The following ANKFN1 variants were observed in gnomAD, a reference collection of about 807,000 sequenced individuals.
The protein encoded by ANKFN1 is ankyrin repeat and fibronectin type-III domain-containing protein 1.
ANKFN1 carries 74 observed loss-of-function variants against 108.7 expected under a neutral mutation model. The ratio of observed to expected loss-of-function variants is 0.68; its 90% CI spans 0.56 to 0.83. ANKFN1 has a LOEUF of 0.83. Ranked by LOEUF, ANKFN1 falls within the 40% of genes least tolerant of loss-of-function variation. ANKFN1 has a pLI of 0.00. For synonymous variants in ANKFN1, 547 were observed against 516.2 expected (o/e 1.06, Z -0.81); for missense variants, 1,505 against 1,382.3 (o/e 1.09, Z -1.41).
At chr17:56,383,805 C>T (rs990032700) in intron 8 of ANKFN1, among the ~76,000 whole-genome samples, 21 of 152,118 alleles carry the variant, frequency 1.4e-4, no homozygotes, top group African/African-American at 5.1e-4. Context: ...CTAAATAGAC[C>T]AATAACAGGC....
intron 4 of ANKFN1, among the ~76,000 whole-genome samples, chr17:56,349,090 A>G (rs1043521138): frequency 2.6e-5 from 4 of 152,188 alleles, no homozygotes; most frequent in Admixed American, 1.3e-4. Context: ...ACATGGATGA[A>G]GCTGGAAGCC....
At chr17:56,072,556 A>G (rs1905132785) in intron 4 of ANKFN1, among the ~76,000 whole-genome samples, 1 of 152,168 alleles carries the variant, frequency 6.6e-6, no homozygotes, top group Admixed American at 6.5e-5. Context: ...CTTCCCTTTT[A>G]ACAGCATAAA....
chr17:56,362,153 C>A (rs565654204), intron 6 of ANKFN1, among the ~76,000 whole-genome samples: 1 of 152,256 alleles, frequency 6.6e-6, no homozygotes, highest in East Asian at 1.9e-4. Flanking sequence ...TATCACATTA[C>A]CTGGCCAATT....
intron 4 of ANKFN1, among the ~76,000 whole-genome samples, chr17:56,327,069 C>T (rs566044111): frequency 2.0e-5 from 3 of 152,248 alleles, no homozygotes; most frequent in South Asian, 2.1e-4. Flanking sequence ...TCCAGTTACC[C>T]GTGCTGATCA....
At chr17:56,117,385 G>C (rs558517660) in intron 4 of ANKFN1, among the ~76,000 whole-genome samples, 41 of 152,312 alleles carry the variant, frequency 2.7e-4, no homozygotes, top group Middle Eastern at 6.8e-3. Flanking sequence ...GAAGGAGATA[G>C]ATTGTGAGCT....
At chr17:56,157,591 C>T (rs557343519) in intron 1 of ANKFN1, among the ~76,000 whole-genome samples, 3 of 152,330 alleles carry the variant, frequency 2.0e-5, no homozygotes, top group East Asian at 1.9e-4. Flanking sequence ...GGGACTATTT[C>T]CCTGCCTGGC....
chr17:56,214,641 T>G (rs1915290319), intron 2 of ANKFN1, among the ~76,000 whole-genome samples: 1 of 152,188 alleles, frequency 6.6e-6, no homozygotes, highest in Admixed American at 6.5e-5. Context: ...CCTCATTCTC[T>G]CTAACCTGGT....
chr17:56,309,889 A>G (rs1452014310), intron 3 of ANKFN1, among the ~76,000 whole-genome samples: 3 of 152,160 alleles, frequency 2.0e-5, no homozygotes, highest in Non-Finnish European at 4.4e-5. Context: ...TCTTGTGATG[A>G]TGTGAGATGA....
intron 20 of ANKFN1, among the ~76,000 whole-genome samples, chr17:56,502,546 T>G (rs1474711254): frequency 6.6e-6 from 1 of 152,166 alleles, no homozygotes; most frequent in Non-Finnish European, 1.5e-5. Context: ...TGTTGAAAAC[T>G]GGGGAGAAAC....
intron 3 of ANKFN1, among the ~76,000 whole-genome samples, chr17:56,305,179 A>C (rs903525928): frequency 6.6e-6 from 1 of 152,148 alleles, no homozygotes; most frequent in African/African-American, 2.4e-5. Flanking sequence ...AAACCATCAG[A>C]TCTTGTGAGA....
chr17:56,236,506 G>A (rs1232276436), intron 3 of ANKFN1, among the ~76,000 whole-genome samples: 1 of 152,170 alleles, frequency 6.6e-6, no homozygotes, highest in East Asian at 1.9e-4. Context: ...TGTTGTTGGT[G>A]TATAGGAATA....
chr17:56,083,040 A>G (rs1905266906), intron 4 of ANKFN1, among the ~76,000 whole-genome samples: 1 of 151,482 alleles, frequency 6.6e-6, no homozygotes, highest in Non-Finnish European at 1.5e-5. Context: ...ACTGCTGATG[A>G]TAAGAGCAGC....
In ANKFN1 at chr17:56,515,536, T is replaced by C. The variant is rs540674216; in HGVS notation, c.*4267T>C. ...TTTGCTGGTCACCTCTCATAAGATG[T>C]TCAAACACATGGCTTATGACTGTTA... is the stretch of plus-strand genomic sequence containing the variant. On this transcript the variant is annotated 3_prime_UTR_variant, in exon 21 of 21. Transcript: ENST00000682825. Among the ~76,000 whole-genome samples, 5 of 152,350 alleles carry C rather than the reference T, an allele frequency of 3.3e-5. No individual in the cohort carries two copies. Among genetic ancestry groups the C allele is most frequent in the African/African-American group, 1.2e-4 (5 of 41,594 alleles).
At chr17:56,243,684 G>A (rs1917749131) in intron 3 of ANKFN1, among the ~76,000 whole-genome samples, 1 of 152,068 alleles carries the variant, frequency 6.6e-6, no homozygotes, top group Admixed American at 6.6e-5. Context: ...AGGTGGCTAA[G>A]GGCTTCACCT....
At chr17:56,255,083 A>G (rs2043325376) in intron 3 of ANKFN1, among the ~76,000 whole-genome samples, 1 of 152,224 alleles carries the variant, frequency 6.6e-6, no homozygotes, top group African/African-American at 2.4e-5. Context: ...GGTGGGGACA[A>G]AGGTAGCCAT....
In ANKFN1 at chr17:56,389,821, CTG is replaced by C. The variant is rs1160688931; in HGVS notation, c.910+15111_910+15112del. ...GATATGAGTTCCTTGAAGGCAGAAA[CTG>C]TGTCTTTTTCATTTCTATTCCACAC... On this transcript the variant is annotated intron_variant, in intron 8 of 20. Transcript: ENST00000682825. 7.9e-5 allele frequency among the ~76,000 whole-genome samples: 12 copies of C among 152,204 alleles called. No individual in the cohort carries two copies. The East Asian group carries it at 2.3e-3, about 29-fold the overall frequency.
At chr17:56,122,245 T>G (rs1241914418) in intron 4 of ANKFN1, among the ~76,000 whole-genome samples, 2 of 152,284 alleles carry the variant, frequency 1.3e-5, no homozygotes, top group East Asian at 3.9e-4. Context: ...TAGAGCATAA[T>G]GTTGGCCTAG....
intron 8 of ANKFN1, among the ~76,000 whole-genome samples, chr17:56,429,281 G>A (rs377663917): frequency 3.3e-5 from 5 of 152,180 alleles, no homozygotes; most frequent in South Asian, 2.1e-4. Context: ...CAGATGAAGC[G>A]AAATGGATAG....
chr17:56,165,045 C>T (rs541158354), intron 1 of ANKFN1, among the ~76,000 whole-genome samples: 1 of 152,334 alleles, frequency 6.6e-6, no homozygotes. Context: ...ATTTGCTTTT[C>T]ATCCTGTAAA....
Sources: gnomAD v4.1 joint callset for allele counts (sites outside exome capture counted in the v4.1 genomes callset) on GRCh38, gnomAD v4.1.1 for gene constraint, MANE v1.5 for transcripts, NCBI Gene and HGNC (gene_info 2026-07-23, HGNC 2026-07-21) for gene names.